Variants in WDR62 observed in about 807,000 individuals in gnomAD.
WDR62 encodes the protein WD repeat domain 62.
Under a neutral mutation model 160.6 loss-of-function variants are expected in WDR62, and 112 were observed. That is an observed-to-expected ratio of 0.70 (90% CI 0.60 to 0.82). The LOEUF (loss-of-function observed/expected upper bound fraction) is 0.82, where lower values mean the gene tolerates loss of function less well. Ranked by LOEUF, WDR62 falls within the 40% of genes least tolerant of loss-of-function variation. WDR62 has a pLI of 0.00. For synonymous variants in WDR62, 792 were observed against 815.1 expected (o/e 0.97, Z 0.48); for missense variants, 1,819 against 1,983.8 (o/e 0.92, Z 1.58).
At chr19:36,078,165 T>G (rs1041571334) in intron 9 of WDR62, among the ~76,000 whole-genome samples, 1 of 151,486 alleles carries the variant, frequency 6.6e-6, no homozygotes, top group Non-Finnish European at 1.5e-5. Context: ...TTTTTTTTTT[T>G]GAAACGGAGT....
rs1481721579 is a variant in WDR62, at chr19:36,084,684, G to A, written c.1582G>A (p.Val528Ile). The A allele has an allele frequency of 5.0e-6, 8 of 1,613,924 alleles. No homozygotes were observed. The South Asian group carries it at 8.8e-5, about 18-fold the overall frequency. The change falls in exon 12 of 32, where the codon GTC (valine) becomes ATC (isoleucine). Residue 528 changes from valine to isoleucine, a missense_variant. Physicochemically the swap from Val to Ile is conservative, Grantham distance 29. Coordinates refer to ENST00000401500, the MANE Select transcript of WDR62 (RefSeq NM_001083961.2). ...IHELHFMDEL[V>I]KVEAHDAEVL... ...CGAGCTGCACTTCATGGACGAGCTG[G>A]TCAAGGTGGAGGCCCATGATGCTGA...
In WDR62 at chr19:36,083,170, CG is replaced by C. The variant is rs1389985129; in HGVS notation, c.1483del (p.Val495CysfsTer22). ...ENGTPMDVKA[G>X]VRVMQVSPDG... The stretch of plus-strand genomic sequence containing the variant: ...ATGGGACACCCATGGACGTGAAAGC[CG>C]GGGTGCGGGTCATGCAGGTCAGTCC... On this transcript the variant is annotated frameshift_variant, in exon 11 of 32. Coordinates refer to ENST00000401500, the MANE Select transcript of WDR62 (RefSeq NM_001083961.2). LOFTEE classifies it high-confidence loss of function. 2 of 1,612,264 alleles carry C rather than the reference CG, an allele frequency of 1.2e-6. No individual in the cohort carries two copies. Among genetic ancestry groups the C allele is most frequent in the Non-Finnish European group, 1.7e-6 (2 of 1,179,196 alleles).
chr19:36,100,899 A>G, intron 23 of WDR62, 24 bp downstream of exon 23: 2 of 1,613,896 alleles, frequency 1.2e-6, no homozygotes, highest in Non-Finnish European at 1.7e-6. Flanking sequence ...CCACCAAGGG[A>G]GCCTTAGTTG....
At chr19:36,093,042 G>A (rs1432682091) in intron 19 of WDR62, among the ~76,000 whole-genome samples, 1 of 152,202 alleles carries the variant, frequency 6.6e-6, no homozygotes, top group Non-Finnish European at 1.5e-5. Context: ...TTGCTGTGTT[G>A]CCCAGGCTTG....
chr19:36,057,707 G>T (rs1368277345), intron 1 of WDR62, among the ~76,000 whole-genome samples: 1 of 142,264 alleles, frequency 7.0e-6, no homozygotes. Flanking sequence ...AGTAGAGACA[G>T]GGTTTCGCCA....
intron 20 of WDR62, among the ~76,000 whole-genome samples, chr19:36,095,750 C>T (rs534684633): frequency 2.0e-5 from 3 of 152,304 alleles, no homozygotes; most frequent in East Asian, 1.9e-4. Flanking sequence ...GCTGAGACTG[C>T]GCCACTGCAC....
At chr19:36,105,760 G>T (rs1483459099), downstream of WDR62, among the ~76,000 whole-genome samples, 1 of 152,088 alleles carries the variant, frequency 6.6e-6, no homozygotes, top group East Asian at 1.9e-4. Flanking sequence ...GTGCAGTGGT[G>T]CGATCTTGGC....
downstream of WDR62, among the ~76,000 whole-genome samples, chr19:36,108,348 C>T (rs546708350): frequency 3.0e-4 from 46 of 152,196 alleles, no homozygotes; most frequent in Middle Eastern, 3.4e-3. Flanking sequence ...GTTCATCTTT[C>T]ACTGCAACTC....
chr19:36,101,909 G>T, intron 25 of WDR62, 105 bp from the exon 26 acceptor site: 1 of 1,577,256 alleles, frequency 6.3e-7, no homozygotes, highest in Non-Finnish European at 8.7e-7. Flanking sequence ...TCAGCCTGCG[G>T]GCAACAGGGC....
chr19:36,084,921 C>T (rs1972121883), intron 12 of WDR62, among the ~76,000 whole-genome samples, 177 bp downstream of exon 12: 1 of 152,120 alleles, frequency 6.6e-6, no homozygotes, highest in African/African-American at 2.4e-5. Context: ...CTTCAGAAAG[C>T]AAGACACCCG....
At chr19:36,083,029 G>A (rs1239288287) in intron 10 of WDR62, 34 bp from the exon 11 acceptor site, 2 of 1,596,690 alleles carry the variant, frequency 1.3e-6, no homozygotes, top group Middle Eastern at 1.7e-4. Flanking sequence ...CTTCTGAGCT[G>A]CTCGTGCTGA....
chr19:36,099,664 G>A lies in WDR62; in HGVS notation c.2739+47G>A, dbSNP rs139978971. 9.4e-5 allele frequency: 149 copies of A among 1,593,240 alleles called. 1 individual carries two copies. The African/African-American group carries it at 1.4e-3, about 15-fold the overall frequency. On this transcript the variant is annotated intron_variant, in intron 22 of 31. Coordinates refer to ENST00000401500, the MANE Select transcript of WDR62 (RefSeq NM_001083961.2). Reference sequence around the variant, plus strand: ...TGGCCCATAGCCCCGGCACCGTGACGGCCCCAGGGCCTGGCGCCTTAGGCT... The same window carrying A: ...TGGCCCATAGCCCCGGCACCGTGACAGCCCCAGGGCCTGGCGCCTTAGGCT...
chr19:36,068,764 C>T (rs1334246370), intron 7 of WDR62, among the ~76,000 whole-genome samples: 2 of 152,372 alleles, frequency 1.3e-5, no homozygotes, highest in African/African-American at 4.8e-5. Flanking sequence ...TCTTTCTACA[C>T]AGACACAGCA....
chr19:36,095,460 A>G (rs1343496484), intron 20 of WDR62, among the ~76,000 whole-genome samples: 1 of 152,206 alleles, frequency 6.6e-6, no homozygotes, highest in Non-Finnish European at 1.5e-5. Context: ...CAGAGACTGT[A>G]GTCAGCTCCA....
chr19:36,072,394 G>C (rs1420171832), intron 8 of WDR62, among the ~76,000 whole-genome samples: 1 of 152,204 alleles, frequency 6.6e-6, no homozygotes, highest in African/African-American at 2.4e-5. Context: ...GATGAGGCCA[G>C]TGTGGGGCGC....
chr19:36,065,677 G>A (rs1406506330), intron 3 of WDR62, among the ~76,000 whole-genome samples: 2 of 152,308 alleles, frequency 1.3e-5, no homozygotes, highest in African/African-American at 2.4e-5. Flanking sequence ...TACCCACTGC[G>A]GCAGAGGGAG....
rs751242221 is a variant in WDR62, at chr19:36,102,931, T to G, written c.3336-17T>G. ...CAGGCTGAATGAGAATCATCCCCCC[T>G]GCTCTCCTCCCCACAGGTTCACCCA... On this transcript the variant is annotated splice_polypyrimidine_tract_variant and intron_variant, in intron 27 of 31. Transcript: ENST00000401500. The G allele has an allele frequency of 1.9e-6, 3 of 1,614,080 alleles. No homozygotes were observed. Among genetic ancestry groups the G allele is most frequent in the Admixed American group, 3.3e-5 (2 of 60,016 alleles).
At position 36,102,989 on chromosome 19, in the gene WDR62, T is replaced by G. The variant is rs771187377; in HGVS notation, c.3377T>G (p.Val1126Gly). The change falls in exon 28 of 32, where the codon GTG (valine) becomes GGG (glycine). Residue 1126 changes from valine to glycine, a missense_variant. Around this residue, in one of 3 missense-constraint regions of WDR62, gnomAD observed 770 missense variants for 734.2 expected, o/e 1.05. Coordinates refer to ENST00000401500, the MANE Select transcript of WDR62 (RefSeq NM_001083961.2). ...TFPPRATQCL[V>G]KSPEVKLMDR... ...CCTCCCCGGGCAACCCAGTGCCTTG[T>G]GAAGTCTCCAGAGGTCAAGCTCATG... 1.9e-6 allele frequency: 3 copies of G among 1,614,128 alleles called. No homozygotes were observed. The Admixed American group carries it at 5.0e-5, about 27-fold the overall frequency.
rs535253859 is a variant in WDR62 at position 36,084,816 on chromosome 19, G to A, written c.1642+72G>A. The stretch of plus-strand genomic sequence containing the variant: ...CCCCCTGGCAGGGCCACAGAAAGGG[G>A]TAGTTGGTGTCTGGTGGGACTGTGG... On this transcript the variant is annotated intron_variant, in intron 12 of 31. Transcript: ENST00000401500. The A allele has an allele frequency of 1.2e-4, 166 of 1,408,750 alleles. No individual in the cohort carries two copies. In the African/African-American group the frequency reaches 1.9e-3, roughly 16 times the overall value. The allele number at this position is 1,408,750 out of a possible 1,614,324, so 87.3% of individuals were successfully genotyped here.
Sources: gnomAD v4.1 joint callset for allele counts (sites outside exome capture counted in the v4.1 genomes callset) on GRCh38, gnomAD v4.1.1 for gene constraint, gnomAD v4.1.1 regional missense constraint, MANE v1.5 for transcripts, NCBI Gene and HGNC (gene_info 2026-07-23, HGNC 2026-07-21) for gene names.